Variants in TINAG observed in about 807,000 individuals in gnomAD.
TINAG encodes the protein tubulointerstitial nephritis antigen.
A neutral mutation model predicts 72.7 loss-of-function variants in TINAG; 83 were observed. The ratio of observed to expected loss-of-function variants is 1.14; its 90% CI spans 0.96 to 1.37. The LOEUF (loss-of-function observed/expected upper bound fraction) is 1.37. TINAG is among the 40% of genes most tolerant of loss of function. The probability of loss-of-function intolerance (pLI) is 0.00; values close to 1 mark genes in which losing one functional copy is unlikely to be tolerated. For missense variants in TINAG, 685 were observed against 576.6 expected, an observed-to-expected ratio of 1.19 and a Z score of -1.93; for synonymous variants, 234 against 189.9, an observed-to-expected ratio of 1.23 and a Z score of -1.91.
At chr6:54,314,218 A>G (rs1784322046) in intron 1 of TINAG, among the ~76,000 whole-genome samples, 1 of 152,180 alleles carries the variant, frequency 6.6e-6, no homozygotes, top group Non-Finnish European at 1.5e-5. Context: ...TTTTTAACAC[A>G]TAAGATATTT....
At chr6:54,371,995 T>G (rs543042482) in intron 9 of TINAG, among the ~76,000 whole-genome samples, 15 of 139,156 alleles carry the variant, frequency 1.1e-4, no homozygotes, top group Middle Eastern at 3.3e-3. Flanking sequence ...TTTTTTTTTT[T>G]TTTTTTTTTT....
chr6:54,314,779 G>C (rs1292847511), intron 1 of TINAG, among the ~76,000 whole-genome samples: 2 of 152,086 alleles, frequency 1.3e-5, no homozygotes. Context: ...AAAAAAAGTA[G>C]TTGCTACTTC....
chr6:54,384,474 C>T (rs1466911245), intron 10 of TINAG, among the ~76,000 whole-genome samples: 1 of 151,978 alleles, frequency 6.6e-6, no homozygotes, highest in Non-Finnish European at 1.5e-5. Flanking sequence ...TAAAATGACA[C>T]ATTATTCTCA....
At chr6:54,370,896 TTCA>T (rs1763583230) in intron 9 of TINAG, among the ~76,000 whole-genome samples, 1 of 152,122 alleles carries the variant, frequency 6.6e-6, no homozygotes, top group Non-Finnish European at 1.5e-5. Context: ...CCTTCATTGA[TTCA>T]TCATCTCAAA....
chr6:54,374,421 C>T (rs1763721186), intron 9 of TINAG, among the ~76,000 whole-genome samples: 1 of 152,020 alleles, frequency 6.6e-6, no homozygotes, highest in Non-Finnish European at 1.5e-5. Flanking sequence ...TAGGGAATGC[C>T]CACATTTCAT....
intron 3 of TINAG, among the ~76,000 whole-genome samples, chr6:54,326,110 T>C (rs1784596349): frequency 6.6e-6 from 1 of 151,982 alleles, no homozygotes; most frequent in African/African-American, 2.4e-5. Flanking sequence ...AAAAATTTTG[T>C]TTGTCTTCAA....
At chr6:54,352,290 C>T (rs181768240) in intron 8 of TINAG, among the ~76,000 whole-genome samples, 11 of 151,716 alleles carry the variant, frequency 7.3e-5, no homozygotes, top group African/African-American at 2.7e-4. Flanking sequence ...TAATTAGTAT[C>T]GGTTAAATAT....
intron 1 of TINAG, among the ~76,000 whole-genome samples, chr6:54,310,290 GCCTAGGCTCGTCTTAAAACT>G (rs1240628834): frequency 2.0e-5 from 3 of 151,670 alleles, no homozygotes; most frequent in Non-Finnish European, 4.4e-5. Flanking sequence ...TTGCTATGTT[GCCTAGGCTCGTCTTAAAACT>G]CCTGGCCTCA....
At chr6:54,373,078 C>A (rs1763680765) in intron 9 of TINAG, among the ~76,000 whole-genome samples, 1 of 152,050 alleles carries the variant, frequency 6.6e-6, no homozygotes, top group African/African-American at 2.4e-5. Flanking sequence ...TCTCCATTCC[C>A]ATCAATGTAA....
At position 54,347,397 on chromosome 6, in the gene TINAG, C is replaced by G; in HGVS notation, c.779C>G (p.Ser260Cys). The part of the protein sequence containing the change: ...SVAADRIAIQ[S>C]KGRYTANLSP... ...GCTGCTGACCGAATAGCAATTCAGT[C>G]TAAGGGTCGATACACGGCCAATCTA... is the stretch of plus-strand genomic sequence containing the variant. Residue 260 changes from serine (S) to cysteine (C), a missense_variant, in exon 6 of 11, where the codon TCT becomes TGT. Transcript: ENST00000259782. 1 of 1,613,100 alleles carries G rather than the reference C, an allele frequency of 6.2e-7. No homozygotes were observed. Among genetic ancestry groups the G allele is most frequent in the Non-Finnish European group, 8.5e-7 (1 of 1,179,468 alleles).
intron 10 of TINAG, among the ~76,000 whole-genome samples, chr6:54,383,842 C>T (rs1256350876): frequency 6.6e-6 from 1 of 152,054 alleles, no homozygotes; most frequent in Non-Finnish European, 1.5e-5. Flanking sequence ...ACCCAGCAAT[C>T]TCATTACTGG....
At chr6:54,333,884 G>T (rs73741230) in intron 4 of TINAG, among the ~76,000 whole-genome samples, 1,979 of 151,728 alleles carry the variant, frequency 0.013, 29 homozygotes, top group African/African-American at 0.043. Context: ...GATTAGTAAA[G>T]GTTGATCCTC....
chr6:54,349,514 T>C (rs1408832979), intron 6 of TINAG, among the ~76,000 whole-genome samples: 2 of 152,042 alleles, frequency 1.3e-5, no homozygotes, highest in Non-Finnish European at 2.9e-5. Flanking sequence ...ATTTTTAAAA[T>C]TATAATGAAA....
intron 4 of TINAG, 28 bp from the exon 5 acceptor site, chr6:54,343,198 C>A (rs1785039530): frequency 6.8e-7 from 1 of 1,476,854 alleles, no homozygotes; most frequent in African/African-American, 1.4e-5. Flanking sequence ...GAGAAAATCT[C>A]ATATATGTAC....
intron 1 of TINAG, among the ~76,000 whole-genome samples, chr6:54,319,260 G>T (rs1784437677): frequency 6.6e-6 from 1 of 152,094 alleles, no homozygotes; most frequent in Non-Finnish European, 1.5e-5. Context: ...TTGTTGCATG[G>T]ATTTTCTGTT....
chr6:54,368,125 T>C (rs1199785531), intron 9 of TINAG, among the ~76,000 whole-genome samples: 1 of 151,462 alleles, frequency 6.6e-6, no homozygotes, highest in African/African-American at 2.4e-5. Flanking sequence ...ACCCCATTAT[T>C]GTTGGATTTT....
chr6:54,346,057 A>G (rs968540666), intron 5 of TINAG, among the ~76,000 whole-genome samples: 4 of 152,112 alleles, frequency 2.6e-5, no homozygotes, highest in African/African-American at 9.6e-5. Context: ...AGACTGTACC[A>G]GATATTCAAC....
At chr6:54,340,925 G>T (rs1425505501) in intron 4 of TINAG, among the ~76,000 whole-genome samples, 3 of 151,996 alleles carry the variant, frequency 2.0e-5, no homozygotes, top group African/African-American at 2.4e-5. Flanking sequence ...TGATAGATAC[G>T]TATTTCATTA....
rs140922873 is a variant in TINAG at position 54,328,932 on chromosome 6, T to C, written c.624+2016T>C. On this transcript the variant is annotated intron_variant, in intron 4 of 10. Coordinates refer to ENST00000259782, the MANE Select transcript of TINAG (RefSeq NM_014464.4). ...GAAGGCAAGATTAAAGAAAAATGAA[T>C]GAAAAGGAACAAACAAAGCATCCAA... Among the ~76,000 whole-genome samples the C allele has an allele frequency of 3.5e-3, 532 of 151,702 alleles. 6 individuals carry two copies. Among genetic ancestry groups the C allele is most frequent in the African/African-American group, 0.012 (509 of 41,366 alleles).
Sources: allele counts gnomAD v4.1 joint callset (sites outside exome capture counted in the v4.1 genomes callset), GRCh38; gene constraint gnomAD v4.1.1; transcripts MANE v1.5; gene names NCBI Gene and HGNC (gene_info 2026-07-23, HGNC 2026-07-21).